The following TRIP12 variants were observed in gnomAD, a reference collection of about 807,000 sequenced individuals.
The protein encoded by TRIP12 is thyroid hormone receptor interactor 12, also known as E3 ubiquitin-protein ligase TRIP12.
A neutral mutation model predicts 244.2 loss-of-function variants in TRIP12; 25 were observed. The ratio of observed to expected loss-of-function variants is 0.10; its 90% CI spans 0.07 to 0.14. The LOEUF (loss-of-function observed/expected upper bound fraction) is 0.14. Among genes scored for constraint, TRIP12 ranks in the 10% least tolerant of loss-of-function variants. The pLI is 1.00. For synonymous variants in TRIP12, 905 were observed against 873.1 expected (o/e 1.04, Z -0.64); for missense variants, 1,677 against 2,486.4 (o/e 0.67, Z 6.92).
intron 18 of TRIP12, among the ~76,000 whole-genome samples, chr2:229,804,998 C>T (rs772506305): frequency 6.6e-6 from 1 of 152,116 alleles, no homozygotes; most frequent in Non-Finnish European, 1.5e-5. Context: ...CTCCGCTTCC[C>T]GGGTTCACGC....
At chr2:229,898,384 A>G (rs2069513720) in intron 1 of TRIP12, among the ~76,000 whole-genome samples, 1 of 152,210 alleles carries the variant, frequency 6.6e-6, no homozygotes, top group South Asian at 2.1e-4. Context: ...GACTTCTAAC[A>G]TGTGTCTCTC....
intron 4 of TRIP12, among the ~76,000 whole-genome samples, chr2:229,842,287 T>C: frequency 6.6e-6 from 1 of 152,200 alleles, no homozygotes; most frequent in East Asian, 1.9e-4. Flanking sequence ...CAGAATTACC[T>C]GATATAATCA....
At chr2:229,774,988 T>C (rs369406118) in intron 37 of TRIP12, among the ~76,000 whole-genome samples, 1 of 152,170 alleles carries the variant, frequency 6.6e-6, no homozygotes, top group African/African-American at 2.4e-5. Flanking sequence ...AAAACCAACA[T>C]GCAAAAATGC....
chr2:229,785,883 A>G (rs373628449), intron 33 of TRIP12, 28 bp from the exon 34 acceptor site: 1 of 1,587,426 alleles, frequency 6.3e-7, no homozygotes, highest in Admixed American at 1.8e-5. Context: ...CTGTCAGGAA[A>G]CTATGCTCTA....
chr2:229,848,640 C>T (rs963032900), intron 4 of TRIP12, among the ~76,000 whole-genome samples: 2 of 152,128 alleles, frequency 1.3e-5, no homozygotes, highest in Admixed American at 1.3e-4. Flanking sequence ...AACAAGTACA[C>T]GGTGACCAAC....
chr2:229,863,740 A>G (rs1375106749), intron 2 of TRIP12, among the ~76,000 whole-genome samples: 2 of 152,236 alleles, frequency 1.3e-5, no homozygotes, highest in African/African-American at 4.8e-5. Flanking sequence ...AATCTGGAAT[A>G]GCCAATTAGA....
Position 229,778,336 on chromosome 2 carries a change from A to C in TRIP12, c.5364+97T>G. ...ATATGTGTATTGAAGTTTGAGAAGCATTGCTCTAAACTATAGCAGTAAACT... is the reference window on the plus strand; with the variant it reads ...ATATGTGTATTGAAGTTTGAGAAGCCTTGCTCTAAACTATAGCAGTAAACT... On this transcript the variant is annotated intron_variant, in intron 36 of 41. Transcript: ENST00000675903. The surrounding 1 kb of genome is among the most constrained non-coding windows in gnomAD (Gnocchi z 4.1). 7.0e-7 allele frequency: 1 copy of C among 1,437,704 alleles called. No homozygotes were observed. Among genetic ancestry groups the C allele is most frequent in the South Asian group, 1.3e-5 (1 of 75,064 alleles). 89.1% of individuals were successfully genotyped at this position (1,437,704 alleles called of 1,614,324 possible).
chr2:229,775,784 T>C (rs546518227), intron 37 of TRIP12, among the ~76,000 whole-genome samples: 1 of 151,882 alleles, frequency 6.6e-6, no homozygotes, highest in African/African-American at 2.4e-5. Context: ...CCCCCATCTG[T>C]ATATATACTT....
chr2:229,814,242 A>G lies in TRIP12; in HGVS notation c.1815T>C (p.Ile605=), dbSNP rs1384449772. 1.2e-6 allele frequency: 2 copies of G among 1,614,028 alleles called. No individual in the cohort carries two copies. Among genetic ancestry groups the G allele is most frequent in the African/African-American group, 2.7e-5 (2 of 74,928 alleles). ...CAGTAACAACACTTACCGCCTGTAG[A>G]ATGGCTTTACTATGTCTCCGTGACA... ...EMLSRRHSKA[I]LQAGGLADCL... is the part of the protein sequence containing the mutation. The change falls in exon 12 of 42, where the codon ATT becomes ATC. Residue 605 remains isoleucine, a synonymous_variant. Coordinates refer to ENST00000675903, the MANE Select transcript of TRIP12 (RefSeq NM_001348323.3).
chr2:229,837,829 T>C (rs950113189), intron 5 of TRIP12, among the ~76,000 whole-genome samples: 4 of 152,132 alleles, frequency 2.6e-5, no homozygotes, highest in Admixed American at 2.0e-4. Flanking sequence ...AAGATATTCA[T>C]CTAGGACAGA....
intron 1 of TRIP12, among the ~76,000 whole-genome samples, chr2:229,888,275 T>A (rs2066482323): frequency 6.6e-6 from 1 of 152,008 alleles, no homozygotes; most frequent in Admixed American, 6.6e-5. Context: ...AAGTAAAGAT[T>A]GAGAATTATG....
intron 2 of TRIP12, among the ~76,000 whole-genome samples, chr2:229,872,695 T>C (rs530509420): frequency 1.7e-4 from 26 of 152,310 alleles, no homozygotes; most frequent in Admixed American, 1.1e-3. Flanking sequence ...CTGTCAAAAA[T>C]GTCCTCTTAC....
chr2:229,813,951 A>G lies in TRIP12; in HGVS notation c.1905T>C (p.Asn635=). 6.3e-7 allele frequency: 1 copy of G among 1,599,800 alleles called. No individual in the cohort carries two copies. Among genetic ancestry groups the G allele is most frequent in the Non-Finnish European group, 8.6e-7 (1 of 1,168,826 alleles). Residue 635 remains asparagine, a synonymous_variant, in exon 13 of 42, where the codon AAT becomes AAC. Coordinates refer to ENST00000675903, the MANE Select transcript of TRIP12 (RefSeq NM_001348323.3). ...AQRNALAIAA[N]CCQSITPDEF... is the part of the protein sequence containing the mutation. ...CATCTGGCGTGATACTCTGGCAGCA[A>G]TTAGCTGCAATTGCTAATGCATTTC...
chr2:229,864,043 A>AGTGT (rs1553712066), intron 2 of TRIP12, among the ~76,000 whole-genome samples: 32 of 72,112 alleles, frequency 4.4e-4, no homozygotes, highest in Middle Eastern at 6.7e-3. Flanking sequence ...AGAGAGAGAG[A>AGTGT]GAGAGTGTGT....
intron 37 of TRIP12, among the ~76,000 whole-genome samples, chr2:229,776,431 C>G (rs752479621): frequency 3.3e-5 from 5 of 152,084 alleles, no homozygotes; most frequent in Non-Finnish European, 5.9e-5. Context: ...CTTTGAATAC[C>G]AATTTCTCTT....
intron 2 of TRIP12, among the ~76,000 whole-genome samples, chr2:229,870,263 CA>C (rs1263111728): frequency 6.6e-6 from 1 of 152,098 alleles, no homozygotes; most frequent in Non-Finnish European, 1.5e-5. Context: ...TTTAATAATT[CA>C]AAATGAAAGA....
At chr2:229,913,283 G>A (rs960058394) in intron 1 of TRIP12, among the ~76,000 whole-genome samples, 1 of 152,096 alleles carries the variant, frequency 6.6e-6, no homozygotes, top group Admixed American at 6.5e-5. Context: ...GAATTTTACA[G>A]AATATTTCTC....
chr2:229,919,103 T>C (rs2076022622), intron 1 of TRIP12, among the ~76,000 whole-genome samples: 1 of 152,184 alleles, frequency 6.6e-6, no homozygotes, highest in South Asian at 2.1e-4. Context: ...CTAGATAACA[T>C]AAATACAATA....
At chr2:229,819,215 T>C (rs2049330277) in intron 8 of TRIP12, among the ~76,000 whole-genome samples, 1 of 152,024 alleles carries the variant, frequency 6.6e-6, no homozygotes, top group Non-Finnish European at 1.5e-5. Context: ...CACAGAGAAG[T>C]ACGTTGTCAT....
Sources: gnomAD v4.1 joint callset for allele counts (sites outside exome capture counted in the v4.1 genomes callset) on GRCh38, gnomAD v4.1.1 for gene constraint, Gnocchi (gnomAD v3.1) non-coding constraint, MANE v1.5 for transcripts, NCBI Gene and HGNC (gene_info 2026-07-23, HGNC 2026-07-21) for gene names.